Variants in UTP4 observed in about 807,000 individuals in gnomAD.
UTP4 encodes U3 small nucleolar RNA-associated protein 4 homolog.
In UTP4, 45 loss-of-function variants were observed where a neutral mutation model predicts 82.4. The ratio of observed to expected loss-of-function variants is 0.55; its 90% CI spans 0.43 to 0.70. The LOEUF is 0.70. Ranked by LOEUF, UTP4 falls within the 30% of genes least tolerant of loss-of-function variation. UTP4 has a pLI of 0.00. For synonymous variants in UTP4, 348 were observed against 300.3 expected, an observed-to-expected ratio of 1.16 and a Z score of -1.64; for missense variants, 819 against 858.3, an observed-to-expected ratio of 0.95 and a Z score of 0.57.
intron 5 of UTP4, among the ~76,000 whole-genome samples, chr16:69,141,133 T>C (rs771316397): frequency 2.0e-5 from 3 of 152,224 alleles, no homozygotes; most frequent in Admixed American, 1.3e-4. Context: ...TTCTCCACTT[T>C]TATCTTTGTG....
At chr16:69,143,137 A>G (rs755957872) in intron 5 of UTP4, 41 bp from the exon 6 acceptor site, 3 of 1,600,304 alleles carry the variant, frequency 1.9e-6, no homozygotes, top group South Asian at 2.2e-5. Flanking sequence ...GAAGACAGAG[A>G]AATAAGTACC....
intron 9 of UTP4, 47 bp downstream of exon 9, chr16:69,153,727 GC>G: frequency 7.7e-7 from 1 of 1,296,432 alleles, no homozygotes; most frequent in Non-Finnish European, 1.1e-6. Context: ...GGAGAGAGAA[GC>G]CAGAAATCAG....
Position 69,167,092 on chromosome 16 carries a change from A to T in UTP4, c.1851A>T (p.Lys617Asn). The T allele has an allele frequency of 2.5e-6, 4 of 1,613,658 alleles. No homozygotes were observed. In the South Asian group the frequency reaches 4.4e-5, roughly 18 times the overall value. The change falls in exon 16 of 17, where the codon AAA becomes AAT. Residue 617 changes from lysine (K) to asparagine (N), a missense_variant. Coordinates refer to ENST00000314423, the MANE Select transcript of UTP4 (RefSeq NM_032830.3). Reference protein sequence around the residue: ...IDKSLPLPNDKTLLYNPFPPT... With the variant: ...IDKSLPLPNDNTLLYNPFPPT... ...TTTTTTAGCCCCTTCCAAATGACAA[A>T]ACCTTACTCTACAATCCATTTCCTC... is the stretch of plus-strand genomic sequence containing the variant.
At chr16:69,134,259 G>A (rs533398976) in intron 2 of UTP4, among the ~76,000 whole-genome samples, 1 of 151,972 alleles carries the variant, frequency 6.6e-6, no homozygotes, top group Non-Finnish European at 1.5e-5. Flanking sequence ...TGATATAAAT[G>A]AGTAGATGGG....
rs189021805 is a variant in UTP4 at position 69,166,518 on chromosome 16, C to A, written c.1834-557C>A. Reference sequence around the variant, plus strand: ...TCCTTACAGTAGGCATAGCTATTTCCCAGGAAGTCAGAGACAAAATATCAT... The same window carrying A: ...TCCTTACAGTAGGCATAGCTATTTCACAGGAAGTCAGAGACAAAATATCAT... On this transcript the variant is annotated intron_variant, in intron 15 of 16. Transcript: ENST00000314423. 180 of 153,672 alleles carry A rather than the reference C, an allele frequency of 1.2e-3. 2 individuals carry two copies. The highest frequency in any genetic ancestry group is 0.01 in the Admixed American group (162 of 15,462). 9.5% of individuals were successfully genotyped at this position (153,672 alleles called of 1,614,324 possible). A position where few individuals can be genotyped will look rare whatever the true frequency, so the allele number is the denominator to read the frequency against.
intron 8 of UTP4, among the ~76,000 whole-genome samples, chr16:69,151,443 T>G (rs1963265975): frequency 6.6e-6 from 1 of 151,680 alleles, no homozygotes; most frequent in Non-Finnish European, 1.5e-5. Context: ...TGCCTCAGCC[T>G]TCCGAGTGGC....
At chr16:69,149,946 T>G (rs1963216931) in intron 6 of UTP4, among the ~76,000 whole-genome samples, 1 of 152,170 alleles carries the variant, frequency 6.6e-6, no homozygotes, top group Admixed American at 6.5e-5. Flanking sequence ...CAGGCTGGTC[T>G]CAAACTCCTG....
intron 2 of UTP4, among the ~76,000 whole-genome samples, chr16:69,136,057 A>G (rs1358101611): frequency 6.6e-6 from 1 of 152,214 alleles, no homozygotes; most frequent in Non-Finnish European, 1.5e-5. Flanking sequence ...AAAGAATATG[A>G]GCATATGAGC....
Position 69,148,024 on chromosome 16 carries a change from G to A in UTP4, c.739-2513G>A, listed in dbSNP as rs139461541. Among the ~76,000 whole-genome samples, 1,109 of 152,124 alleles carry A rather than the reference G, an allele frequency of 7.3e-3. 9 individuals carry two copies. The highest frequency in any genetic ancestry group is 0.023 in the African/African-American group (947 of 41,484). On this transcript the variant is annotated intron_variant, in intron 6 of 16. Transcript: ENST00000314423. ...GCTGGAGTGCAGTGGCGTGATCTCC[G>A]CTCACTGCAAGCTCCGCCTCCCTGG...
chr16:69,165,426 A>G lies in UTP4; in HGVS notation c.1733A>G (p.Gln578Arg). Residue 578 changes from glutamine (Q) to arginine (R), a missense_variant, in exon 15 of 17, where the codon CAA (glutamine) becomes CGA (arginine). Physicochemically the swap from Gln to Arg is conservative, Grantham distance 43. Transcript: ENST00000314423. ...QKQGFHHLWLQRDTPITHISF... is the reference protein window; with the variant it reads ...QKQGFHHLWLRRDTPITHISF... ...CAGGGCTTTCACCACCTTTGGCTCC[A>G]AAGGGATACTCCTATCACACACATC... The G allele has an allele frequency of 6.2e-7, 1 of 1,614,110 alleles. No homozygotes were observed. Among genetic ancestry groups the G allele is most frequent in the Non-Finnish European group, 8.5e-7 (1 of 1,179,992 alleles).
rs1170264634 is a variant in UTP4, at chr16:69,150,860, G to T, written c.958G>T (p.Val320Leu). Reference sequence around the variant, plus strand: ...TCGTCCTCTCATGGAGAAGGTGGAAGTAAAGAATTACGATGCCGCTCTCCG... The same window carrying T: ...TCGTCCTCTCATGGAGAAGGTGGAATTAAAGAATTACGATGCCGCTCTCCG... Reference protein sequence around the residue: ...VFRPLMEKVEVKNYDAALRKI... With the variant: ...VFRPLMEKVELKNYDAALRKI... The change falls in exon 8 of 17, where the codon GTA becomes TTA. Residue 320 changes from valine to leucine, a missense_variant. Coordinates refer to ENST00000314423, the MANE Select transcript of UTP4 (RefSeq NM_032830.3). 1 of 1,614,162 alleles carries T rather than the reference G, an allele frequency of 6.2e-7. No homozygotes were observed.
chr16:69,159,140 C>T (rs997328284), intron 12 of UTP4, among the ~76,000 whole-genome samples: 1 of 151,940 alleles, frequency 6.6e-6, no homozygotes, highest in Non-Finnish European at 1.5e-5. Flanking sequence ...GCATTGGTGC[C>T]ATCTCGGCTC....
chr16:69,153,657 G>T lies in UTP4; in HGVS notation c.1076G>T (p.Arg359Leu). ...TTTGCTCATCACTTAGAACTTTGGC[G>T]ACTGGGATCCACAGTTGCAACAGGT... is the stretch of plus-strand genomic sequence containing the variant. ...FQFAHHLELW[R>L]LGSTVATGKN... The change falls in exon 9 of 17, where the codon CGA becomes CTA. Residue 359 changes from arginine to leucine, a missense_variant. Physicochemically the swap from Arg to Leu is moderately radical, Grantham distance 102. Transcript: ENST00000314423. 19 of 1,612,764 alleles carry T rather than the reference G, an allele frequency of 1.2e-5. No homozygotes were observed. Among genetic ancestry groups the T allele is most frequent in the Non-Finnish European group, 1.5e-5 (18 of 1,179,302 alleles).
In UTP4 at chr16:69,143,045, A is replaced by G. The variant is rs1186922379; in HGVS notation, c.527-133A>G. The G allele has an allele frequency of 1.1e-5, 9 of 853,340 alleles. No homozygotes were observed. The East Asian group carries it at 1.5e-4, about 14-fold the overall frequency. The allele number at this position is 853,340 out of a possible 1,614,324, so 52.9% of individuals were successfully genotyped here. ...GGGTTTGTTATGTTGTTTCGTAGAG[A>G]TGAGGTCTCACTTCGTTGCCTAGGC... On this transcript the variant is annotated intron_variant, in intron 5 of 16. Transcript: ENST00000314423.
In UTP4 at chr16:69,167,076, C is replaced by A. The variant is rs766789175; in HGVS notation, c.1835C>A (p.Pro612His). 6 of 1,608,440 alleles carry A rather than the reference C, an allele frequency of 3.7e-6. No homozygotes were observed. The South Asian group carries it at 6.6e-5, about 18-fold the overall frequency. ...AACAATGTGTCTTTGTTTTTTTAGC[C>A]CCTTCCAAATGACAAAACCTTACTC... ...YMFCIIDKSL[P>H]LPNDKTLLYN... The change falls in exon 16 of 17, where the codon CCC becomes CAC. Residue 612 changes from proline to histidine, a missense_variant and splice_region_variant. Transcript: ENST00000314423.
At chr16:69,142,295 G>A (rs1487617561) in intron 5 of UTP4, 1 of 152,132 alleles carries the variant, frequency 6.6e-6, no homozygotes. Context: ...TCATTCTCCT[G>A]CCTGGTGAGT....
At chr16:69,165,595 T>G (rs745720946) in intron 15 of UTP4, 69 bp downstream of exon 15, 1 of 1,302,598 alleles carries the variant, frequency 7.7e-7, no homozygotes, top group Non-Finnish European at 1.1e-6. Flanking sequence ...ACAAGTACAA[T>G]AAGGTAAGAG....
chr16:69,136,917 CA>C (rs750767595), intron 3 of UTP4, 30 bp downstream of exon 3: 1 of 1,591,198 alleles, frequency 6.3e-7, no homozygotes, highest in Admixed American at 1.7e-5. Context: ...TAATTCAAAC[CA>C]AAATTTCTCT....
At chr16:69,137,478 A>G (rs1597133013) in intron 3 of UTP4, among the ~76,000 whole-genome samples, 1 of 152,178 alleles carries the variant, frequency 6.6e-6, no homozygotes, top group East Asian at 1.9e-4. Flanking sequence ...TAGGTCTTTT[A>G]TTTAGGCCAA....
Sources: gnomAD v4.1 joint callset for allele counts (sites outside exome capture counted in the v4.1 genomes callset) on GRCh38, gnomAD v4.1.1 for gene constraint, MANE v1.5 for transcripts, NCBI Gene and HGNC (gene_info 2026-07-23, HGNC 2026-07-21) for gene names.